ANXA8: variants seen among roughly 807,000 people sequenced by gnomAD.
ANXA8 encodes the protein VAC-beta.
A neutral mutation model predicts 26.8 loss-of-function variants in ANXA8; 9 were observed. The observed-to-expected ratio is 0.34, with a 90% CI of 0.20 to 0.59. The LOEUF is 0.59. Ranked by LOEUF, ANXA8 falls within the 20% of genes least tolerant of loss-of-function variation. The probability of loss-of-function intolerance (pLI) is 0.84; values close to 1 mark genes in which losing one functional copy is unlikely to be tolerated. For missense variants in ANXA8, 83 were observed against 238.5 expected (o/e 0.35, Z 4.29); for synonymous variants, 39 against 94.8 (o/e 0.41, Z 3.42).
chr10:47,630,581 T>C, the ANXA8 span, among the ~76,000 whole-genome samples: 2 of 145,898 alleles, frequency 1.4e-5, no homozygotes, highest in Non-Finnish European at 3.0e-5. Context: ...TTACCACAAA[T>C]AGTAATTTAG....
chr10:47,617,340 C>T, the ANXA8 span, among the ~76,000 whole-genome samples: 1 of 150,644 alleles, frequency 6.6e-6, no homozygotes, highest in East Asian at 1.9e-4. Context: ...AACAAATAGT[C>T]TTGTTATAGT....
At chr10:47,746,610 G>A in the ANXA8 span, among the ~76,000 whole-genome samples, 4 of 112,364 alleles carry the variant, frequency 3.6e-5, no homozygotes, top group East Asian at 2.7e-4. Context: ...CCTGGGAGGC[G>A]GAGGTTGCAG....
the ANXA8 span, among the ~76,000 whole-genome samples, chr10:47,676,935 A>C: frequency 2.2e-4 from 32 of 147,616 alleles, no homozygotes; most frequent in Non-Finnish European, 4.6e-4. Context: ...AAAGAAAGAA[A>C]AGAAAAGGAA....
the ANXA8 span, among the ~76,000 whole-genome samples, chr10:47,687,214 A>C: frequency 6.6e-6 from 1 of 151,902 alleles, no homozygotes; most frequent in South Asian, 2.1e-4. Context: ...ATTCATTATC[A>C]TGGTAATGTT....
At chr10:47,548,120 T>C in the ANXA8 span, among the ~76,000 whole-genome samples, 1 of 142,880 alleles carries the variant, frequency 7.0e-6, no homozygotes, top group African/African-American at 2.5e-5. Flanking sequence ...TGAATGTTAT[T>C]TAGTTTTCTG....
At chr10:47,590,278 G>A in the ANXA8 span, 1 of 146,164 alleles carries the variant, frequency 6.8e-6, no homozygotes. Context: ...GCAGACCAAA[G>A]AGCTCATTGA....
In ANXA8 at chr10:47,484,089, C is replaced by T. The variant is rs1839960860; in HGVS notation, c.-156G>A. On this transcript the variant is annotated 5_prime_UTR_variant, in exon 1 of 12. Transcript: ENST00000585281. ...CCCGCCCAGGGCAGCGCCACACCTGCCTGCCGTCCCCTCGCCCCCGGGCTC... is the reference window on the plus strand; with the variant it reads ...CCCGCCCAGGGCAGCGCCACACCTGTCTGCCGTCCCCTCGCCCCCGGGCTC... 2 of 1,586,566 alleles carry T rather than the reference C, an allele frequency of 1.3e-6. No homozygotes were observed. Among genetic ancestry groups the T allele is most frequent in the African/African-American group, 2.7e-5 (2 of 73,746 alleles).
chr10:47,932,414 G>A, the ANXA8 span, among the ~76,000 whole-genome samples: 4 of 151,040 alleles, frequency 2.6e-5, no homozygotes, highest in African/African-American at 2.4e-5. Flanking sequence ...GGAACTTATC[G>A]GCTCATGGAA....
At chr10:47,727,248 G>A in the ANXA8 span, among the ~76,000 whole-genome samples, 1 of 152,288 alleles carries the variant, frequency 6.6e-6, no homozygotes, top group African/African-American at 2.4e-5. Flanking sequence ...AAGTCAATGA[G>A]TGTATGACAT....
At chr10:47,681,523 CTTTTTTT>C in the ANXA8 span, among the ~76,000 whole-genome samples, 369 of 81,196 alleles carry the variant, frequency 4.5e-3, no homozygotes, top group African/African-American at 8.4e-3. Context: ...TTTATTTTTA[CTTTTTTT>C]TTTTTTTTTT....
At chr10:47,521,251 A>G in the ANXA8 span, among the ~76,000 whole-genome samples, 1 of 135,724 alleles carries the variant, frequency 7.4e-6, no homozygotes, top group Admixed American at 7.5e-5. Context: ...AACACTACCC[A>G]TCTACTAACT....
chr10:47,894,996 G>A, the ANXA8 span, among the ~76,000 whole-genome samples: 26 of 150,700 alleles, frequency 1.7e-4, no homozygotes, highest in East Asian at 1.9e-3. Flanking sequence ...TACATAATAC[G>A]TCACACATAC....
chr10:47,533,228 C>CACACACACACAT, the ANXA8 span, among the ~76,000 whole-genome samples: 6 of 138,632 alleles, frequency 4.3e-5, no homozygotes, highest in African/African-American at 5.5e-5. Context: ...CACACACCCC[C>CACACACACACAT]GCAGACACCC....
At chr10:47,521,962 T>C in the ANXA8 span, among the ~76,000 whole-genome samples, 2 of 150,706 alleles carry the variant, frequency 1.3e-5, no homozygotes, top group East Asian at 4.0e-4. Flanking sequence ...TGTATTTTCT[T>C]TTTTAGTAGA....
chr10:47,481,549 C>T (rs2132426321), intron 1 of ANXA8, among the ~76,000 whole-genome samples: 1 of 150,824 alleles, frequency 6.6e-6, no homozygotes, highest in African/African-American at 2.4e-5. Context: ...TGCCGGCTTC[C>T]CTCTGCCCCA....
At chr10:47,510,829 C>CAA in the ANXA8 span, among the ~76,000 whole-genome samples, 184 of 26,650 alleles carry the variant, frequency 6.9e-3, no homozygotes, top group African/African-American at 0.013. Flanking sequence ...GACTCCGTCT[C>CAA]AAAAAAAAAA....
chr10:47,702,492 C>A, the ANXA8 span, among the ~76,000 whole-genome samples: 1 of 151,246 alleles, frequency 6.6e-6, no homozygotes, highest in Non-Finnish European at 1.5e-5. Context: ...AGGTACGTGC[C>A]ACCACGCCCA....
chr10:47,743,452 A>G, the ANXA8 span, among the ~76,000 whole-genome samples: 1 of 126,802 alleles, frequency 7.9e-6, no homozygotes, highest in Non-Finnish European at 1.7e-5. Flanking sequence ...AGGTGGTAAA[A>G]GCAGTGTTTG....
At chr10:47,667,651 C>A in the ANXA8 span, among the ~76,000 whole-genome samples, 1 of 151,776 alleles carries the variant, frequency 6.6e-6, no homozygotes, top group African/African-American at 2.4e-5. Context: ...CTCCTGGGTT[C>A]AGGTGATTCT....
Sources: gnomAD v4.1 joint callset for allele counts (sites outside exome capture counted in the v4.1 genomes callset) on GRCh38, gnomAD v4.1.1 for gene constraint, MANE v1.5 for transcripts, NCBI Gene and HGNC (gene_info 2026-07-23, HGNC 2026-07-21) for gene names.